Variants in NTNG1 observed in about 807,000 individuals in gnomAD.
NTNG1 encodes netrin G1.
In NTNG1, 16 loss-of-function variants were observed where a neutral mutation model predicts 54.0. The observed-to-expected ratio is 0.30, with a 90% CI of 0.20 to 0.45. The LOEUF is 0.45. Ranked by LOEUF, NTNG1 falls within the 20% of genes least tolerant of loss-of-function variation. The pLI, the probability that NTNG1 is intolerant of heterozygous loss-of-function variation, is 1.00. For missense variants in NTNG1, 530 were observed against 678.7 expected, an observed-to-expected ratio of 0.78 and a Z score of 2.43; for synonymous variants, 255 against 263.1, an observed-to-expected ratio of 0.97 and a Z score of 0.30.
intron 2 of NTNG1, among the ~76,000 whole-genome samples, chr1:107,287,835 C>CT (rs1174194212): frequency 1.3e-5 from 2 of 151,878 alleles, no homozygotes; most frequent in Non-Finnish European, 2.9e-5. Flanking sequence ...TACAATACTC[C>CT]TTTTTTAGAT....
At chr1:107,422,195 T>C (rs2101251361) in intron 5 of NTNG1, among the ~76,000 whole-genome samples, 1 of 152,096 alleles carries the variant, frequency 6.6e-6, no homozygotes, top group South Asian at 2.1e-4. Context: ...CCCAATTAGG[T>C]TTGAAATTTT....
intron 2 of NTNG1, among the ~76,000 whole-genome samples, chr1:107,250,803 A>T (rs1326372765): frequency 6.6e-6 from 1 of 152,226 alleles, no homozygotes; most frequent in Non-Finnish European, 1.5e-5. Flanking sequence ...AGGCAGCTTC[A>T]GCTGAAAGCA....
At chr1:107,364,382 A>G (rs982891986) in intron 3 of NTNG1, among the ~76,000 whole-genome samples, 1 of 152,062 alleles carries the variant, frequency 6.6e-6, no homozygotes, top group Non-Finnish European at 1.5e-5. Context: ...GCTTTTCCCC[A>G]TTTATTTCTT....
intron 5 of NTNG1, among the ~76,000 whole-genome samples, chr1:107,417,658 G>C (rs2101214564): frequency 6.6e-6 from 1 of 152,158 alleles, no homozygotes; most frequent in African/African-American, 2.4e-5. Context: ...TTAGAGCCAA[G>C]AGCCATCCTT....
At chr1:107,424,272 A>G (rs1196875794) in intron 5 of NTNG1, among the ~76,000 whole-genome samples, 1 of 152,098 alleles carries the variant, frequency 6.6e-6, no homozygotes, top group Admixed American at 6.6e-5. Context: ...CAGCAAGTGC[A>G]AAGGCCCTGG....
chr1:107,411,533 C>A (rs909445203), intron 5 of NTNG1, among the ~76,000 whole-genome samples: 1 of 152,090 alleles, frequency 6.6e-6, no homozygotes, highest in African/African-American at 2.4e-5. Flanking sequence ...TTTTCCCACC[C>A]AAGAGTTATT....
chr1:107,294,679 G>T (rs1665835657), intron 2 of NTNG1, among the ~76,000 whole-genome samples: 1 of 152,142 alleles, frequency 6.6e-6, no homozygotes, highest in African/African-American at 2.4e-5. Context: ...TAAAAAAGTG[G>T]TCAATTTGGT....
At position 107,366,172 on chromosome 1, in the gene NTNG1, A is replaced by G. The variant is rs547830160; in HGVS notation, c.888-28982A>G. Among the ~76,000 whole-genome samples the G allele has an allele frequency of 1.9e-3, 290 of 152,310 alleles. 1 individual carries two copies. Among genetic ancestry groups the G allele is most frequent in the South Asian group, 6.0e-3 (29 of 4,828 alleles). On this transcript the variant is annotated intron_variant, in intron 3 of 7. Coordinates refer to ENST00000370068, the MANE Select transcript of NTNG1 (RefSeq NM_001113226.3). ...AATGGTATTGTAACCATGTCCACTC[A>G]GAAGGTAATTTAATCTCCACAATGT... is the stretch of plus-strand genomic sequence containing the variant.
chr1:107,474,914 G>A (rs935608274), intron 7 of NTNG1, among the ~76,000 whole-genome samples: 2 of 152,174 alleles, frequency 1.3e-5, no homozygotes, highest in South Asian at 2.1e-4. Context: ...GAGAACACAC[G>A]TTCTGTACAT....
intron 5 of NTNG1, among the ~76,000 whole-genome samples, chr1:107,430,368 A>G (rs1293646712): frequency 3.3e-5 from 5 of 152,148 alleles, no homozygotes; most frequent in Admixed American, 3.3e-4. Flanking sequence ...GGCTGAAAAG[A>G]TGAAAACAAG....
chr1:107,254,106 AG>A (rs1662784365), intron 2 of NTNG1, among the ~76,000 whole-genome samples: 1 of 152,218 alleles, frequency 6.6e-6, no homozygotes, highest in Non-Finnish European at 1.5e-5. Context: ...CTCAAAGCCC[AG>A]GGGGCTTTGT....
intron 2 of NTNG1, among the ~76,000 whole-genome samples, chr1:107,285,904 T>C (rs2101744567): frequency 6.6e-6 from 1 of 152,254 alleles, no homozygotes; most frequent in African/African-American, 2.4e-5. Context: ...TATCTTGATG[T>C]GTGACACTCG....
rs1332586288 is a variant in NTNG1 at position 107,482,193 on chromosome 1, A to G, written c.*1353A>G. On this transcript the variant is annotated 3_prime_UTR_variant, in exon 8 of 8. Transcript: ENST00000370068. The stretch of plus-strand genomic sequence containing the variant: ...TGATGGTGATCATGTGACTCTAGGG[A>G]TGCTGATCTATGTATCTTTCCAAAT... The G allele has an allele frequency of 6.6e-6, 1 of 151,998 alleles. No homozygotes were observed. The highest frequency in any genetic ancestry group is 2.4e-5 in the African/African-American group (1 of 41,376). 9.4% of individuals were successfully genotyped at this position (151,998 alleles called of 1,614,324 possible).
chr1:107,309,586 T>C (rs6583020), intron 2 of NTNG1, among the ~76,000 whole-genome samples: 147,088 of 152,280 alleles, frequency 0.97, 71,234 homozygotes, highest in East Asian at 1. Context: ...GGATTCTTTG[T>C]ATGCCCACTA....
At chr1:107,237,710 A>G (rs1014941565) in intron 2 of NTNG1, among the ~76,000 whole-genome samples, 9 of 152,128 alleles carry the variant, frequency 5.9e-5, no homozygotes, top group Non-Finnish European at 1.2e-4. Context: ...CAAGCAGACC[A>G]TGGCTTGAGA....
At chr1:107,186,304 T>C (rs1657457588) in intron 2 of NTNG1, among the ~76,000 whole-genome samples, 1 of 152,136 alleles carries the variant, frequency 6.6e-6, no homozygotes, top group Non-Finnish European at 1.5e-5. Flanking sequence ...GGTATTAGAC[T>C]CTTATTTGAT....
intron 3 of NTNG1, among the ~76,000 whole-genome samples, chr1:107,356,365 C>A (rs1277469314): frequency 3.3e-5 from 5 of 152,146 alleles, no homozygotes; most frequent in African/African-American, 1.2e-4. Flanking sequence ...ACAATCTCAG[C>A]TGACTGCAAC....
At chr1:107,465,684 C>A (rs960002372) in intron 7 of NTNG1, among the ~76,000 whole-genome samples, 3 of 152,112 alleles carry the variant, frequency 2.0e-5, no homozygotes, top group Non-Finnish European at 4.4e-5. Context: ...GACACCTCTA[C>A]AGGGGCAGGC....
chr1:107,381,455 C>T lies in NTNG1; in HGVS notation c.888-13699C>T, dbSNP rs117108188. ...GAATGGGCTTTGAAATTAGCATATT[C>T]TAATGCCTGCCTCCTAGTGATATCA... On this transcript the variant is annotated intron_variant, in intron 3 of 7. Transcript: ENST00000370068. Among the ~76,000 whole-genome samples the T allele has an allele frequency of 3.7e-4, 54 of 146,544 alleles. 3 individuals are homozygous for T. The East Asian group carries it at 0.011, about 30-fold the overall frequency.
Sources: allele counts gnomAD v4.1 joint callset (sites outside exome capture counted in the v4.1 genomes callset), GRCh38; gene constraint gnomAD v4.1.1; transcripts MANE v1.5; gene names NCBI Gene and HGNC (gene_info 2026-07-23, HGNC 2026-07-21).